The following B3GALT1 variants were observed in gnomAD, a reference collection of about 807,000 sequenced individuals.
B3GALT1 encodes the protein UDP-Gal:betaGlcNAc beta 1,3-galactosyltransferase, polypeptide 1.
B3GALT1 carries 10 observed loss-of-function variants against 23.2 expected under a neutral mutation model. The observed-to-expected ratio is 0.43, with a 90% CI of 0.27 to 0.73. The LOEUF (loss-of-function observed/expected upper bound fraction) is 0.73. Ranked by LOEUF, B3GALT1 falls within the 30% of genes least tolerant of loss-of-function variation. B3GALT1 has a pLI of 0.21. For synonymous variants in B3GALT1, 156 were observed against 141.5 expected, an observed-to-expected ratio of 1.10 and a Z score of -0.73; for missense variants, 299 against 405.4, an observed-to-expected ratio of 0.74 and a Z score of 2.25.
At chr2:167,526,017 G>A (rs990335637) in intron 2 of B3GALT1, among the ~76,000 whole-genome samples, 1 of 151,914 alleles carries the variant, frequency 6.6e-6, no homozygotes, top group African/African-American at 2.4e-5. Flanking sequence ...AGATGCTCCT[G>A]GATCATCTTG....
chr2:167,562,920 A>T (rs1574139255), intron 2 of B3GALT1, among the ~76,000 whole-genome samples: 1 of 151,986 alleles, frequency 6.6e-6, no homozygotes, highest in African/African-American at 2.4e-5. Context: ...AATCCATTCA[A>T]CCCTGAGTGG....
At chr2:167,790,985 C>T (rs751841514) in intron 3 of B3GALT1, among the ~76,000 whole-genome samples, 4 of 152,066 alleles carry the variant, frequency 2.6e-5, no homozygotes, top group East Asian at 1.9e-4. Context: ...TATGTTGATA[C>T]GGCAAAATTC....
chr2:167,592,710 A>G (rs928263125), intron 2 of B3GALT1, among the ~76,000 whole-genome samples: 3 of 152,142 alleles, frequency 2.0e-5, no homozygotes, highest in Non-Finnish European at 4.4e-5. Flanking sequence ...AATGGTTTCT[A>G]TCTTGGCCAT....
chr2:167,865,349 G>A (rs867725041), intron 4 of B3GALT1, among the ~76,000 whole-genome samples: 1 of 152,130 alleles, frequency 6.6e-6, no homozygotes, highest in Non-Finnish European at 1.5e-5. Context: ...GTTTCAGTGA[G>A]CCAAGATCGC....
chr2:167,801,376 T>C (rs10930286), intron 3 of B3GALT1, among the ~76,000 whole-genome samples: 31,114 of 152,024 alleles, frequency 0.2, 3,678 homozygotes, highest in African/African-American at 0.31. Flanking sequence ...CTCCAGACCA[T>C]ACTTTAAATT....
At chr2:167,583,043 C>A (rs1284723233) in intron 2 of B3GALT1, among the ~76,000 whole-genome samples, 2 of 152,178 alleles carry the variant, frequency 1.3e-5, no homozygotes, top group Non-Finnish European at 2.9e-5. Context: ...AAGCATCTAC[C>A]CCACACCACA....
chr2:167,602,697 G>A (rs1025553145), intron 2 of B3GALT1, among the ~76,000 whole-genome samples: 20 of 151,990 alleles, frequency 1.3e-4, no homozygotes, highest in African/African-American at 4.8e-4. Flanking sequence ...TGATATACAT[G>A]TTACCTGTGG....
chr2:167,743,347 C>A (rs1207001079), intron 3 of B3GALT1, among the ~76,000 whole-genome samples: 3 of 152,134 alleles, frequency 2.0e-5, no homozygotes, highest in Non-Finnish European at 4.4e-5. Context: ...TTTAAACCCC[C>A]ATCAGCATTG....
At chr2:167,814,659 G>GAGAT (rs1688957625) in intron 3 of B3GALT1, 2 of 152,452 alleles carry the variant, frequency 1.3e-5, no homozygotes, top group South Asian at 2.1e-4. Flanking sequence ...TCGGGAGGCT[G>GAGAT]AGATAGAAGA....
chr2:167,805,668 T>A (rs1398648234), intron 3 of B3GALT1, among the ~76,000 whole-genome samples: 1 of 152,186 alleles, frequency 6.6e-6, no homozygotes, highest in Non-Finnish European at 1.5e-5. Context: ...GAGGGCTCTG[T>A]TCTGTTCCTT....
At chr2:167,835,381 TC>T (rs1376092086) in intron 4 of B3GALT1, among the ~76,000 whole-genome samples, 1 of 152,138 alleles carries the variant, frequency 6.6e-6, no homozygotes, top group African/African-American at 2.4e-5. Context: ...GGAGATTATA[TC>T]CTGCACCTGG....
chr2:167,557,066 C>T (rs755385262), intron 2 of B3GALT1, among the ~76,000 whole-genome samples: 15 of 152,048 alleles, frequency 9.9e-5, no homozygotes, highest in Non-Finnish European at 1.9e-4. Flanking sequence ...AATCACTCTA[C>T]ATTGTAGAAA....
intron 3 of B3GALT1, among the ~76,000 whole-genome samples, chr2:167,803,618 T>G (rs1688685581): frequency 6.6e-6 from 1 of 152,056 alleles, no homozygotes; most frequent in African/African-American, 2.4e-5. Flanking sequence ...CAAGACAGGG[T>G]CTTGTATGTA....
intron 2 of B3GALT1, among the ~76,000 whole-genome samples, chr2:167,612,438 A>G (rs1685084608): frequency 6.6e-6 from 1 of 150,988 alleles, no homozygotes; most frequent in Non-Finnish European, 1.5e-5. Flanking sequence ...CTGTACTTTT[A>G]CATTGTGTAT....
chr2:167,639,459 A>G (rs1380224581), intron 2 of B3GALT1, among the ~76,000 whole-genome samples: 10 of 152,032 alleles, frequency 6.6e-5, no homozygotes, highest in Admixed American at 6.6e-4. Context: ...CTTCAGTCCA[A>G]GCAGAAACAC....
chr2:167,417,284 A>T (rs1318461325), intron 1 of B3GALT1, among the ~76,000 whole-genome samples: 1 of 152,030 alleles, frequency 6.6e-6, no homozygotes, highest in Admixed American at 6.6e-5. Flanking sequence ...CAGGAATAGG[A>T]CTGGTGGCTT....
At chr2:167,843,227 T>A (rs945386166) in intron 4 of B3GALT1, among the ~76,000 whole-genome samples, 7 of 152,224 alleles carry the variant, frequency 4.6e-5, no homozygotes, top group African/African-American at 1.7e-4. Context: ...AGCTGATGTA[T>A]TTTTAGTCTA....
chr2:167,671,282 T>G (rs1349864304), intron 3 of B3GALT1, among the ~76,000 whole-genome samples: 1 of 151,542 alleles, frequency 6.6e-6, no homozygotes, highest in African/African-American at 2.4e-5. Context: ...AAGGAAACAG[T>G]GGGAGGAATA....
chr2:167,637,609 A>G lies in B3GALT1; in HGVS notation c.-409-9300A>G, dbSNP rs73015444. On this transcript the variant is annotated intron_variant, in intron 2 of 4. Coordinates refer to ENST00000392690, the MANE Select transcript of B3GALT1 (RefSeq NM_020981.4). Reference sequence around the variant, plus strand: ...TGAACATTAGAATGTATTCCTTCCAACTATATGCTTGTACTCATTAAGCAA... The same window carrying G: ...TGAACATTAGAATGTATTCCTTCCAGCTATATGCTTGTACTCATTAAGCAA... 3.2e-3 allele frequency among the ~76,000 whole-genome samples: 492 copies of G among 152,060 alleles called. 2 individuals are homozygous for G. The highest frequency in any genetic ancestry group is 0.011 in the African/African-American group (453 of 41,506).
Sources: allele counts gnomAD v4.1 joint callset (sites outside exome capture counted in the v4.1 genomes callset), GRCh38; gene constraint gnomAD v4.1.1; transcripts MANE v1.5; gene names NCBI Gene and HGNC (gene_info 2026-07-23, HGNC 2026-07-21).